ARHGEF10: variants seen among roughly 807,000 people sequenced by gnomAD.
ARHGEF10 encodes the protein Rho guanine nucleotide exchange factor 10.
In ARHGEF10, 140 loss-of-function variants were observed where a neutral mutation model predicts 147.4. The ratio of observed to expected loss-of-function variants is 0.95; its 90% CI spans 0.83 to 1.09. The LOEUF (loss-of-function observed/expected upper bound fraction) is 1.09. Among genes scored for constraint, ARHGEF10 ranks in the 50% least tolerant of loss-of-function variants. ARHGEF10 has a pLI of 0.00. For missense variants in ARHGEF10, 2,222 were observed against 1,752.7 expected, an observed-to-expected ratio of 1.27 and a Z score of -4.78; for synonymous variants, 902 against 695.8, an observed-to-expected ratio of 1.30 and a Z score of -4.67.
intron 17 of ARHGEF10, among the ~76,000 whole-genome samples, 166 bp from the exon 18 acceptor site, chr8:1,909,129 G>A (rs541986834): frequency 6.6e-6 from 1 of 152,228 alleles, no homozygotes; most frequent in South Asian, 2.1e-4. Context: ...ATGGCAGCAA[G>A]TGGGGACTCA....
At chr8:1,881,679 C>T (rs1585376404) in intron 9 of ARHGEF10, among the ~76,000 whole-genome samples, 1 of 152,138 alleles carries the variant, frequency 6.6e-6, no homozygotes, top group Non-Finnish European at 1.5e-5. Flanking sequence ...AGGAAGGCAG[C>T]CCTCAGGCGT....
chr8:1,906,306 G>A (rs117654957), intron 17 of ARHGEF10, among the ~76,000 whole-genome samples: 5 of 152,276 alleles, frequency 3.3e-5, no homozygotes, highest in Non-Finnish European at 7.4e-5. Flanking sequence ...TAATGCAAGC[G>A]AACGTGGTGC....
At chr8:1,856,956 C>T (rs1190981107) in intron 2 of ARHGEF10, among the ~76,000 whole-genome samples, 2 of 152,182 alleles carry the variant, frequency 1.3e-5, no homozygotes, top group African/African-American at 4.8e-5. Context: ...GGAGAAGCAC[C>T]TGTCTGCTCT....
chr8:1,898,557 G>T (rs373909284), intron 15 of ARHGEF10, 32 bp downstream of exon 15: 130 of 1,597,540 alleles, frequency 8.1e-5, no homozygotes, highest in Non-Finnish European at 1.1e-4. Flanking sequence ...CCTCAAGCTA[G>T]TCCTCTGGCT....
chr8:1,925,681 G>C (rs1305277494), intron 22 of ARHGEF10, among the ~76,000 whole-genome samples: 6 of 152,198 alleles, frequency 3.9e-5, no homozygotes, highest in Admixed American at 3.9e-4. Context: ...TAGTTAAAGA[G>C]GGGACACGTG....
chr8:1,836,664 C>G (rs1183947093), intron 1 of ARHGEF10, among the ~76,000 whole-genome samples: 1 of 152,108 alleles, frequency 6.6e-6, no homozygotes, highest in African/African-American at 2.4e-5. Context: ...GTAGGGAGCA[C>G]AGGCAGCTCT....
intron 11 of ARHGEF10, among the ~76,000 whole-genome samples, chr8:1,888,049 G>C: frequency 6.8e-6 from 1 of 146,690 alleles, no homozygotes; most frequent in Non-Finnish European, 1.5e-5. Flanking sequence ...GGGTTGTTAG[G>C]AGACAGTGAG....
intron 2 of ARHGEF10, among the ~76,000 whole-genome samples, chr8:1,843,645 C>T (rs1281753667): frequency 1.3e-5 from 2 of 152,238 alleles, no homozygotes; most frequent in Non-Finnish European, 2.9e-5. Flanking sequence ...CTCTTGCGTT[C>T]CTCACAGGTG....
At chr8:1,868,822 G>A (rs543109975) in intron 6 of ARHGEF10, among the ~76,000 whole-genome samples, 5 of 152,112 alleles carry the variant, frequency 3.3e-5, no homozygotes, top group Admixed American at 6.5e-5. Flanking sequence ...TAAAATACTC[G>A]TCAGAGAGCC....
At chr8:1,868,759 C>G (rs1806832334) in intron 6 of ARHGEF10, among the ~76,000 whole-genome samples, 1 of 152,180 alleles carries the variant, frequency 6.6e-6, no homozygotes, top group Non-Finnish European at 1.5e-5. Context: ...TTCTGGAAGT[C>G]TGTGTGCCAC....
At position 1,926,737 on chromosome 8, in the gene ARHGEF10, G is replaced by C. The variant is rs536933157; in HGVS notation, c.2697+274G>C. On this transcript the variant is annotated intron_variant, in intron 23 of 28. Transcript: ENST00000349830. Reference sequence around the variant, plus strand: ...GTCCAGAGACAACTAACTAATAAGAGAATAATTTTAATATGTTTTTCCATT... The same window carrying C: ...GTCCAGAGACAACTAACTAATAAGACAATAATTTTAATATGTTTTTCCATT... 8 of 486,454 alleles carry C rather than the reference G, an allele frequency of 1.6e-5. No homozygotes were observed. The East Asian group carries it at 3.0e-4, about 18-fold the overall frequency. 30.1% of individuals were successfully genotyped at this position (486,454 alleles called of 1,614,324 possible). A position where few individuals can be genotyped will look rare whatever the true frequency, so the allele number is the denominator to read the frequency against.
rs184944701 is a variant in ARHGEF10 at position 1,940,642 on chromosome 8, C to A, written c.3223-4839C>A. Among the ~76,000 whole-genome samples the A allele has an allele frequency of 2.9e-3, 439 of 152,294 alleles. 1 individual carries two copies. The highest frequency in any genetic ancestry group is 5.1e-3 in the Non-Finnish European group (345 of 68,016). ...CAACACTTCCTACTCATTCTGCAGTCAGCATGACCCCGATACCAAAGACAT... is the reference window on the plus strand; with the variant it reads ...CAACACTTCCTACTCATTCTGCAGTAAGCATGACCCCGATACCAAAGACAT... On this transcript the variant is annotated intron_variant, in intron 26 of 28. Coordinates refer to ENST00000349830, the MANE Select transcript of ARHGEF10 (RefSeq NM_014629.4).
Position 1,934,372 on chromosome 8 carries a change from A to T in ARHGEF10, c.3222+430A>T, listed in dbSNP as rs71499052. ...CTGTCTCCAAAAAAAAAAAAAAAAAAGGAAAGGGAAAGAAAATTCCTTCTA... is the reference window on the plus strand; with the variant it reads ...CTGTCTCCAAAAAAAAAAAAAAAAATGGAAAGGGAAAGAAAATTCCTTCTA... On this transcript the variant is annotated intron_variant, in intron 26 of 28. Coordinates refer to ENST00000349830, the MANE Select transcript of ARHGEF10 (RefSeq NM_014629.4). Among the ~76,000 whole-genome samples the T allele has an allele frequency of 4.0e-5, 6 of 149,000 alleles. No homozygotes were observed. In the East Asian group the frequency reaches 9.8e-4, roughly 24 times the overall value.
At chr8:1,881,129 G>A (rs926922150) in intron 9 of ARHGEF10, among the ~76,000 whole-genome samples, 4 of 152,190 alleles carry the variant, frequency 2.6e-5, no homozygotes, top group Non-Finnish European at 5.9e-5. Context: ...GCAGGTGAGG[G>A]CACTGTGGGA....
chr8:1,943,220 T>G (rs1005569110), intron 26 of ARHGEF10, among the ~76,000 whole-genome samples: 2 of 152,214 alleles, frequency 1.3e-5, no homozygotes, highest in Non-Finnish European at 2.9e-5. Context: ...TTTCTTCCTT[T>G]TCTTTTTCCC....
rs1311319745 is a variant in ARHGEF10, at chr8:1,948,689, G to T, written c.3397+3034G>T. ...TTTGTGACTCAGAGGGAATGAGCAG[G>T]CCAGAGAGTCCTTTCCTCCAGAGAG... On this transcript the variant is annotated intron_variant, in intron 27 of 28. Transcript: ENST00000349830. This position sits in a 1 kb window ranked among gnomAD's most constrained non-coding sequence, Gnocchi z 4.9. 6.6e-6 allele frequency among the ~76,000 whole-genome samples: 1 copy of T among 152,198 alleles called. No individual in the cohort carries two copies. The highest frequency in any genetic ancestry group is 2.1e-4 in the South Asian group (1 of 4,822).
chr8:1,835,046 G>C (rs4376530), intron 1 of ARHGEF10, among the ~76,000 whole-genome samples: 67,777 of 152,176 alleles, frequency 0.45, 15,429 homozygotes, highest in Middle Eastern at 0.56. Flanking sequence ...CGGTCGGGGA[G>C]TGCTGGGCGC....
chr8:1,833,227 T>C lies in ARHGEF10; in HGVS notation c.-48+9114T>C, dbSNP rs200558395. Among the ~76,000 whole-genome samples, 25 of 72,388 alleles carry C rather than the reference T, an allele frequency of 3.5e-4. 1 individual carries two copies. In the East Asian group the frequency reaches 0.01, roughly 29 times the overall value. 47.5% of individuals were successfully genotyped at this position (72,388 alleles called of 152,430 possible). A position where few individuals can be genotyped will look rare whatever the true frequency, so the allele number is the denominator to read the frequency against. On this transcript the variant is annotated intron_variant, in intron 1 of 28. Coordinates refer to ENST00000349830, the MANE Select transcript of ARHGEF10 (RefSeq NM_014629.4). ...AGAGGCAGAGGCAGAAGCAGAGGGA[T>C]GCAGAGGGAGACAAAGACAGAGGCC...
At chr8:1,848,042 G>A (rs1008701090) in intron 2 of ARHGEF10, among the ~76,000 whole-genome samples, 60 of 152,336 alleles carry the variant, frequency 3.9e-4, no homozygotes, top group Non-Finnish European at 2.5e-4. Context: ...CTCCAGGGCT[G>A]GCGGCCAGTT....
Sources: allele counts gnomAD v4.1 joint callset (sites outside exome capture counted in the v4.1 genomes callset), GRCh38; gene constraint gnomAD v4.1.1; non-coding constraint Gnocchi (gnomAD v3.1); transcripts MANE v1.5; gene names NCBI Gene and HGNC (gene_info 2026-07-23, HGNC 2026-07-21).